TNFRSF11B: variants seen among roughly 807,000 people sequenced by gnomAD.
The protein encoded by TNFRSF11B is TNF receptor superfamily member 11b, also known as tumor necrosis factor receptor superfamily member 11B.
Under a neutral mutation model 43.4 loss-of-function variants are expected in TNFRSF11B, and 16 were observed. The ratio of observed to expected loss-of-function variants is 0.37; its 90% CI spans 0.25 to 0.56. The LOEUF (loss-of-function observed/expected upper bound fraction) is 0.56. Ranked by LOEUF, TNFRSF11B falls within the 20% of genes least tolerant of loss-of-function variation. The pLI is 0.80. For missense variants in TNFRSF11B, 444 were observed against 490.1 expected (o/e 0.91, Z 0.89); for synonymous variants, 185 against 181.8 (o/e 1.02, Z -0.14).
intron 1 of TNFRSF11B, among the ~76,000 whole-genome samples, chr8:118,942,122 G>A (rs1315962936): frequency 6.6e-6 from 1 of 152,074 alleles, no homozygotes; most frequent in Non-Finnish European, 1.5e-5. Flanking sequence ...ACAACATGCA[G>A]GTTTGTTGCA....
intron 4 of TNFRSF11B, among the ~76,000 whole-genome samples, chr8:118,925,653 G>A (rs576197611): frequency 6.6e-6 from 1 of 152,178 alleles, no homozygotes; most frequent in African/African-American, 2.4e-5. Flanking sequence ...AGACTATACA[G>A]TCATTTAACT....
rs754063545 is a variant in TNFRSF11B at position 118,933,150 on chromosome 8, C to T, written c.181G>A (p.Val61Met). ...KQHCTAKWKT[V>M]CAPCPDHYYT... is the part of the protein sequence containing the mutation. ...TAGTGGTCAGGGCAAGGGGCGCACA[C>T]GGTCTTCCACTTTGCTGTACAGTGT... Residue 61 changes from valine to methionine, a missense_variant, in exon 2 of 5, where the codon GTG (valine) becomes ATG (methionine). By Grantham distance (21) the Val-to-Met change is conservative (BLOSUM62 1). Coordinates refer to ENST00000297350, the MANE Select transcript of TNFRSF11B (RefSeq NM_002546.4). 3.8e-5 allele frequency: 61 copies of T among 1,614,050 alleles called. No individual in the cohort carries two copies. The highest frequency in any genetic ancestry group is 3.2e-4 in the Admixed American group (19 of 60,010).
Position 118,924,440 on chromosome 8 carries a change from C to T in TNFRSF11B, c.1140G>A (p.Leu380=). The T allele has an allele frequency of 6.2e-7, 1 of 1,614,120 alleles. No individual in the cohort carries two copies. The highest frequency in any genetic ancestry group is 8.5e-7 in the Non-Finnish European group (1 of 1,180,000). Residue 380 remains leucine (L), a synonymous_variant, in exon 5 of 5, where the codon TTG becomes TTA. Coordinates refer to ENST00000297350, the MANE Select transcript of TNFRSF11B (RefSeq NM_002546.4). ...RFLHSFTMYK[L]YQKLFLEMIG... is the part of the protein sequence containing the mutation. ...TCATTTCTAAAAATAACTTCTGATA[C>T]AATTTGTACATTGTGAAGCTGTGAA...
At chr8:118,935,010 A>G (rs1812382549) in intron 1 of TNFRSF11B, among the ~76,000 whole-genome samples, 1 of 152,238 alleles carries the variant, frequency 6.6e-6, no homozygotes, top group South Asian at 2.1e-4. Context: ...AGAAGAATGA[A>G]ACATCTCATC....
At chr8:118,929,147 G>C (rs898514176) in intron 2 of TNFRSF11B, 1 of 573,672 alleles carries the variant, frequency 1.7e-6, no homozygotes, top group Non-Finnish European at 3.1e-6. Context: ...GCAAATGCAA[G>C]TCAATTTTCT....
chr8:118,945,055 A>G (rs773760843), intron 1 of TNFRSF11B, among the ~76,000 whole-genome samples: 1 of 152,114 alleles, frequency 6.6e-6, no homozygotes, highest in Non-Finnish European at 1.5e-5. Flanking sequence ...TCTAAAATAT[A>G]TAAGTCATAC....
intron 1 of TNFRSF11B, among the ~76,000 whole-genome samples, chr8:118,936,833 G>A (rs1563691462): frequency 6.6e-6 from 1 of 151,920 alleles, no homozygotes; most frequent in Non-Finnish European, 1.5e-5. Context: ...CAAAACAAAA[G>A]CCTACTCTAT....
chr8:118,934,307 C>T (rs954431863), intron 1 of TNFRSF11B, among the ~76,000 whole-genome samples: 1 of 152,086 alleles, frequency 6.6e-6, no homozygotes, highest in Non-Finnish European at 1.5e-5. Flanking sequence ...TGCAGTTCAC[C>T]GAAAAGATTC....
chr8:118,936,794 C>G (rs1262569404), intron 1 of TNFRSF11B, among the ~76,000 whole-genome samples: 2 of 152,054 alleles, frequency 1.3e-5, no homozygotes, highest in Non-Finnish European at 1.5e-5. Context: ...CAGAGCGAGA[C>G]TCTGTCTCAA....
chr8:118,933,816 A>G (rs978675675), intron 1 of TNFRSF11B, among the ~76,000 whole-genome samples: 1 of 152,192 alleles, frequency 6.6e-6, no homozygotes, highest in African/African-American at 2.4e-5. Context: ...CATACTAAAT[A>G]ATCATCTCTT....
chr8:118,934,693 G>A (rs1812377874), intron 1 of TNFRSF11B, among the ~76,000 whole-genome samples: 1 of 149,978 alleles, frequency 6.7e-6, no homozygotes, highest in South Asian at 2.2e-4. Flanking sequence ...GGGGTGGTTT[G>A]TTTGTTTTTG....
intron 1 of TNFRSF11B, among the ~76,000 whole-genome samples, chr8:118,944,891 G>A (rs2129919994): frequency 6.6e-6 from 1 of 152,262 alleles, no homozygotes; most frequent in South Asian, 2.1e-4. Context: ...TATCTCTTCA[G>A]TAAGTCCTGA....
At chr8:118,951,686 G>T in intron 1 of TNFRSF11B, 106 bp downstream of exon 1, 1 of 1,110,136 alleles carries the variant, frequency 9.0e-7, no homozygotes, top group Non-Finnish European at 1.3e-6. Flanking sequence ...CTCCTGGGAG[G>T]GAGCGAGTGG....
chr8:118,927,884 C>T (rs1162945138), intron 3 of TNFRSF11B, among the ~76,000 whole-genome samples: 3 of 152,144 alleles, frequency 2.0e-5, no homozygotes, highest in South Asian at 2.1e-4. Context: ...GGAATGCATT[C>T]GAATAACCTG....
At chr8:118,927,627 A>G (rs1812262137) in intron 3 of TNFRSF11B, among the ~76,000 whole-genome samples, 1 of 151,544 alleles carries the variant, frequency 6.6e-6, no homozygotes, top group Non-Finnish European at 1.5e-5. Flanking sequence ...ACAATGAAAC[A>G]ATGCTGGAAC....
At chr8:118,941,841 T>C (rs1378912594) in intron 1 of TNFRSF11B, among the ~76,000 whole-genome samples, 1 of 152,168 alleles carries the variant, frequency 6.6e-6, no homozygotes, top group African/African-American at 2.4e-5. Context: ...TCACAGATCT[T>C]AATATTTCTT....
rs565517853 is a variant in TNFRSF11B at position 118,928,958 on chromosome 8, C to T, written c.401-29G>A. On this transcript the variant is annotated intron_variant, in intron 2 of 4. Transcript: ENST00000297350. The stretch of plus-strand genomic sequence containing the variant: ...CAGAAAATACCAAGCAATTTAGTAC[C>T]TTCTCCTCAAATCGTTTCCCAGCAG... 310 of 1,608,710 alleles carry T rather than the reference C, an allele frequency of 1.9e-4. 1 individual carries two copies. The South Asian group carries it at 3.2e-3, about 17-fold the overall frequency.
At chr8:118,927,710 G>C (rs1812263128) in intron 3 of TNFRSF11B, among the ~76,000 whole-genome samples, 1 of 152,046 alleles carries the variant, frequency 6.6e-6, no homozygotes, top group Admixed American at 6.6e-5. Flanking sequence ...ACGAAAAACT[G>C]TTTGGGGAGA....
chr8:118,932,059 G>T (rs1801556832), intron 2 of TNFRSF11B, among the ~76,000 whole-genome samples: 1 of 152,192 alleles, frequency 6.6e-6, no homozygotes, highest in African/African-American at 2.4e-5. Context: ...TAAAATATCA[G>T]CAGGGCTTCA....
Sources: allele counts gnomAD v4.1 joint callset (sites outside exome capture counted in the v4.1 genomes callset), GRCh38; gene constraint gnomAD v4.1.1; transcripts MANE v1.5; gene names NCBI Gene and HGNC (gene_info 2026-07-23, HGNC 2026-07-21).